DPP10: variants seen among roughly 807,000 people sequenced by gnomAD.
DPP10 encodes dipeptidyl peptidase like 10, also known as inactive dipeptidyl peptidase 10.
Under a neutral mutation model 120.9 loss-of-function variants are expected in DPP10, and 33 were observed. The ratio of observed to expected loss-of-function variants is 0.27; its 90% CI spans 0.21 to 0.37. The LOEUF is 0.37. Ranked by LOEUF, DPP10 falls within the 10% of genes least tolerant of loss-of-function variation. The probability of loss-of-function intolerance (pLI) is 1.00; values close to 1 mark genes in which losing one functional copy is unlikely to be tolerated. For missense variants in DPP10, 816 were observed against 942.8 expected (o/e 0.87, Z 1.76); for synonymous variants, 337 against 326.1 (o/e 1.03, Z -0.36).
At chr2:114,662,900 G>T (rs1012835323) in intron 1 of DPP10, among the ~76,000 whole-genome samples, 2 of 152,178 alleles carry the variant, frequency 1.3e-5, no homozygotes, top group African/African-American at 4.8e-5. Context: ...CAGAGACTCG[G>T]CAGAACATCA....
At chr2:114,800,098 G>T (rs369046610) in intron 1 of DPP10, among the ~76,000 whole-genome samples, 6 of 152,190 alleles carry the variant, frequency 3.9e-5, no homozygotes, top group Admixed American at 1.3e-4. Flanking sequence ...ATGCATAAAT[G>T]ATGTAAGCGC....
At chr2:115,643,538 G>T (rs921134331) in intron 5 of DPP10, among the ~76,000 whole-genome samples, 2 of 152,166 alleles carry the variant, frequency 1.3e-5, no homozygotes, top group East Asian at 3.9e-4. Context: ...AAAAGGTTAG[G>T]TGTCTAACAG....
At chr2:115,717,165 G>C (rs2092522315) in intron 7 of DPP10, among the ~76,000 whole-genome samples, 1 of 152,172 alleles carries the variant, frequency 6.6e-6, no homozygotes, top group African/African-American at 2.4e-5. Flanking sequence ...TGACAGTGAA[G>C]GACTTTCTTA....
At chr2:115,402,559 A>G (rs1024422498) in intron 3 of DPP10, among the ~76,000 whole-genome samples, 1 of 151,828 alleles carries the variant, frequency 6.6e-6, no homozygotes, top group Admixed American at 6.6e-5. Flanking sequence ...ATAAATTCCT[A>G]GACACATGAA....
intron 2 of DPP10, among the ~76,000 whole-genome samples, chr2:115,319,772 C>A (rs1206439492): frequency 1.3e-5 from 2 of 152,126 alleles, no homozygotes; most frequent in African/African-American, 2.4e-5. Flanking sequence ...TCTAGCAGGA[C>A]TGGTGTCTGG....
At chr2:114,647,311 G>T (rs1696215728) in intron 1 of DPP10, among the ~76,000 whole-genome samples, 1 of 152,134 alleles carries the variant, frequency 6.6e-6, no homozygotes, top group Non-Finnish European at 1.5e-5. Context: ...AACTGAATGT[G>T]TTTAATCTAG....
chr2:114,965,232 G>T (rs1246453246), intron 1 of DPP10, among the ~76,000 whole-genome samples: 2 of 152,058 alleles, frequency 1.3e-5, no homozygotes, highest in Admixed American at 1.3e-4. Context: ...TGCCTCCCGG[G>T]TTCAAGTGAT....
chr2:114,643,660 G>A (rs746534744), intron 1 of DPP10, among the ~76,000 whole-genome samples: 2 of 151,656 alleles, frequency 1.3e-5, no homozygotes, highest in African/African-American at 4.9e-5. Context: ...AGTTTAGAAG[G>A]GGTTGCTGTA....
chr2:114,707,570 C>T (rs188105593), intron 1 of DPP10, among the ~76,000 whole-genome samples: 410 of 152,142 alleles, frequency 2.7e-3, no homozygotes, highest in Non-Finnish European at 4.3e-3. Flanking sequence ...TGGAAATAAC[C>T]GTGCATCACT....
chr2:115,565,511 A>C (rs892751786), intron 5 of DPP10, among the ~76,000 whole-genome samples: 1 of 152,048 alleles, frequency 6.6e-6, no homozygotes, highest in African/African-American at 2.4e-5. Flanking sequence ...TCATATTCAT[A>C]TTTTGCCAAT....
intron 1 of DPP10, among the ~76,000 whole-genome samples, chr2:114,954,037 T>C (rs921478357): frequency 2.7e-5 from 4 of 149,876 alleles, no homozygotes; most frequent in African/African-American, 2.4e-5. Flanking sequence ...AAAATAATTC[T>C]GCCCCAGAAA....
At chr2:115,365,365 G>A (rs2065018314) in intron 3 of DPP10, among the ~76,000 whole-genome samples, 1 of 151,860 alleles carries the variant, frequency 6.6e-6, no homozygotes, top group African/African-American at 2.4e-5. Flanking sequence ...ACATTTTCAA[G>A]TTATGGTTTA....
chr2:115,352,920 G>A (rs1183741789), intron 3 of DPP10, among the ~76,000 whole-genome samples: 1 of 151,744 alleles, frequency 6.6e-6, no homozygotes, highest in Non-Finnish European at 1.5e-5. Flanking sequence ...GAGCTGCTGT[G>A]TACGCCCTGC....
intron 1 of DPP10, among the ~76,000 whole-genome samples, chr2:114,736,188 C>T (rs1392759076): frequency 6.6e-6 from 1 of 151,902 alleles, no homozygotes. Context: ...CCAACTATCC[C>T]CTCTCTAAGT....
intron 1 of DPP10, among the ~76,000 whole-genome samples, chr2:114,755,144 G>T (rs1679609518): frequency 6.6e-6 from 1 of 152,152 alleles, no homozygotes; most frequent in South Asian, 2.1e-4. Flanking sequence ...GTATAAAGGA[G>T]AAATCTTATT....
chr2:115,124,255 T>A (rs2049964522), intron 1 of DPP10, among the ~76,000 whole-genome samples: 1 of 152,204 alleles, frequency 6.6e-6, no homozygotes, highest in Non-Finnish European at 1.5e-5. Context: ...CTATGCCCTT[T>A]TCAAGCTTAA....
chr2:115,515,846 C>G (rs2148857305), intron 4 of DPP10, among the ~76,000 whole-genome samples: 1 of 152,056 alleles, frequency 6.6e-6, no homozygotes. Context: ...AAATATTACC[C>G]TTAAATTTTC....
chr2:114,562,216 T>TA (rs1325823992), intron 1 of DPP10, among the ~76,000 whole-genome samples: 1 of 152,254 alleles, frequency 6.6e-6, no homozygotes, highest in African/African-American at 2.4e-5. Context: ...CACTCTATGC[T>TA]ACCTTTTCTA....
chr2:115,075,538 T>G (rs1707715096), intron 1 of DPP10, among the ~76,000 whole-genome samples: 1 of 152,126 alleles, frequency 6.6e-6, no homozygotes, highest in African/African-American at 2.4e-5. Flanking sequence ...ATCAAAATAG[T>G]CTCCTTGAAA....
Sources: gnomAD v4.1 joint callset for allele counts (sites outside exome capture counted in the v4.1 genomes callset) on GRCh38, gnomAD v4.1.1 for gene constraint, MANE v1.5 for transcripts, NCBI Gene and HGNC (gene_info 2026-07-23, HGNC 2026-07-21) for gene names.